GDPD4: variants seen among roughly 807,000 people sequenced by gnomAD.
GDPD4 encodes glycerophosphodiester phosphodiesterase domain containing 4.
A neutral mutation model predicts 67.8 loss-of-function variants in GDPD4; 60 were observed. The ratio of observed to expected loss-of-function variants is 0.88; its 90% CI spans 0.72 to 1.10. The LOEUF is 1.10. Among genes scored for constraint, GDPD4 ranks in the 50% least tolerant of loss-of-function variants. The pLI, the probability that GDPD4 is intolerant of heterozygous loss-of-function variation, is 0.00. For missense variants in GDPD4, 623 were observed against 613.9 expected (o/e 1.01, Z -0.16); for synonymous variants, 212 against 210.9 (o/e 1.00, Z -0.04).
At chr11:77,274,342 T>C (rs550075999) in intron 5 of GDPD4, among the ~76,000 whole-genome samples, 1 of 152,346 alleles carries the variant, frequency 6.6e-6, no homozygotes, top group East Asian at 1.9e-4. Flanking sequence ...TATGTTGAAA[T>C]GTGACCACCA....
chr11:77,255,436 C>A (rs570153244), intron 11 of GDPD4, among the ~76,000 whole-genome samples: 2 of 151,488 alleles, frequency 1.3e-5, no homozygotes, highest in African/African-American at 2.4e-5. Flanking sequence ...TGGTGGCGGG[C>A]GCCTGTAGTC....
chr11:77,251,342 G>A (rs963182814), intron 11 of GDPD4, among the ~76,000 whole-genome samples: 17 of 151,738 alleles, frequency 1.1e-4, no homozygotes, highest in Admixed American at 7.9e-4. Flanking sequence ...TTTCATAATG[G>A]TGATTATCAC....
chr11:77,282,354 A>G (rs75472884), intron 3 of GDPD4, among the ~76,000 whole-genome samples: 2,610 of 152,206 alleles, frequency 0.017, 81 homozygotes, highest in African/African-American at 0.059. Flanking sequence ...AGGCAAGAAA[A>G]GAGGAAAAAA....
intron 11 of GDPD4, among the ~76,000 whole-genome samples, chr11:77,252,061 T>TTG (rs1958912947): frequency 2.0e-5 from 2 of 100,150 alleles, no homozygotes; most frequent in African/African-American, 5.8e-5. Context: ...TTTGTTTTTT[T>TTG]TTTGTTTTTT....
At chr11:77,264,004 C>T (rs544780409) in intron 10 of GDPD4, among the ~76,000 whole-genome samples, 19 of 152,254 alleles carry the variant, frequency 1.2e-4, no homozygotes, top group Middle Eastern at 3.4e-3. Context: ...TTGGTCCACA[C>T]GAGGAGGTCA....
chr11:77,293,685 C>A (rs1390108428), intron 1 of GDPD4, among the ~76,000 whole-genome samples: 7 of 152,008 alleles, frequency 4.6e-5, no homozygotes, highest in African/African-American at 1.7e-4. Context: ...TGAGCAAATT[C>A]AAACTCCATT....
chr11:77,270,446 A>G (rs764646215), intron 7 of GDPD4, among the ~76,000 whole-genome samples: 1 of 152,236 alleles, frequency 6.6e-6, no homozygotes, highest in Non-Finnish European at 1.5e-5. Context: ...TGCCGGGCGC[A>G]GTGGCTCACG....
In GDPD4 at chr11:77,244,108, C is replaced by T. The variant is rs1355952287; in HGVS notation, c.1087-260G>A. 5.3e-5 allele frequency among the ~76,000 whole-genome samples: 8 copies of T among 152,310 alleles called. No individual in the cohort carries two copies. In the East Asian group the frequency reaches 1.4e-3, roughly 26 times the overall value. On this transcript the variant is annotated intron_variant, in intron 12 of 16. Coordinates refer to ENST00000315938, the MANE Select transcript of GDPD4 (RefSeq NM_182833.3). ...TTGGCTCACTGTAAGCTCCGCCACC[C>T]GGGTTCATACCATTCTCCTGCCTCA... is the stretch of plus-strand genomic sequence containing the variant.
At chr11:77,239,087 C>T (rs2135837982) in intron 13 of GDPD4, among the ~76,000 whole-genome samples, 1 of 152,248 alleles carries the variant, frequency 6.6e-6, no homozygotes, top group African/African-American at 2.4e-5. Context: ...GAATGAAACA[C>T]AAAAACCATA....
rs1938167805 is a variant in GDPD4, at chr11:77,301,677, T to C, written c.-326A>G. On this transcript the variant is annotated 5_prime_UTR_variant, in exon 1 of 17. Coordinates refer to ENST00000315938, the MANE Select transcript of GDPD4 (RefSeq NM_182833.3). Reference sequence around the variant, plus strand: ...ACCAGCGTCTCTTAAGATGGACGCCTGGCTGGAAGGGCAGCCCGAGGGAGG... The same window carrying C: ...ACCAGCGTCTCTTAAGATGGACGCCCGGCTGGAAGGGCAGCCCGAGGGAGG... 6.6e-6 allele frequency: 1 copy of C among 151,930 alleles called. No individual in the cohort carries two copies. Among genetic ancestry groups the C allele is most frequent in the South Asian group, 2.1e-4 (1 of 4,792 alleles). The allele number at this position is 151,930 out of a possible 1,614,324, so 9.4% of individuals were successfully genotyped here.
intron 14 of GDPD4, among the ~76,000 whole-genome samples, chr11:77,229,436 G>A (rs569390125): frequency 1.3e-5 from 2 of 152,266 alleles, no homozygotes; most frequent in African/African-American, 2.4e-5. Context: ...ACATGCAGGG[G>A]GCTCTAGAGG....
chr11:77,263,608 C>T (rs1328190993), intron 10 of GDPD4, among the ~76,000 whole-genome samples: 6 of 152,102 alleles, frequency 3.9e-5, no homozygotes, highest in Non-Finnish European at 8.8e-5. Context: ...AAGATAAATA[C>T]TATTTTAATA....
rs1461194671 is a variant in GDPD4, at chr11:77,229,149, C to T, written c.1472+1G>A. On this transcript the variant is annotated splice_donor_variant, in intron 15 of 16. Coordinates refer to ENST00000315938, the MANE Select transcript of GDPD4 (RefSeq NM_182833.3). LOFTEE classifies it high-confidence loss of function. ...TCATTTAAAATTATATATATACTTA[C>T]CAGTGAAAACAAAATATGGCAACAA... is the stretch of plus-strand genomic sequence containing the variant. 2.0e-6 allele frequency: 3 copies of T among 1,478,324 alleles called. No homozygotes were observed. The highest frequency in any genetic ancestry group is 2.4e-5 in the South Asian group (2 of 84,620). 91.6% of individuals were successfully genotyped at this position (1,478,324 alleles called of 1,614,324 possible). A position where few individuals can be genotyped will look rare whatever the true frequency, so the allele number is the denominator to read the frequency against.
Position 77,221,110 on chromosome 11 carries a change from A to AT in GDPD4, c.1526-3797dup, listed in dbSNP as rs57360844. On this transcript the variant is annotated intron_variant, in intron 16 of 16. Coordinates refer to ENST00000315938, the MANE Select transcript of GDPD4 (RefSeq NM_182833.3). ...GATCAGTGGTGATATCCCCTTTAGC[A>AT]TTTTTTTATTGCATCTAATTGATTC... 2.0e-4 allele frequency among the ~76,000 whole-genome samples: 30 copies of AT among 152,084 alleles called. 1 individual carries two copies. Among genetic ancestry groups the AT allele is most frequent in the Middle Eastern group, 6.8e-3 (2 of 294 alleles).
chr11:77,271,092 C>T (rs902826223), intron 7 of GDPD4, 38 bp downstream of exon 7: 2 of 1,415,746 alleles, frequency 1.4e-6, no homozygotes. Context: ...AAAGCCAGAG[C>T]TGAAGAAATA....
rs1400430713 is a variant in GDPD4, at chr11:77,243,755, C to G, written c.1180G>C (p.Ala394Pro). 1 of 1,611,736 alleles carries G rather than the reference C, an allele frequency of 6.2e-7. No individual in the cohort carries two copies. The highest frequency in any genetic ancestry group is 8.5e-7 in the Non-Finnish European group (1 of 1,177,868). The part of the protein sequence containing the change: ...VGRLVSIETL[A>P]KNNISIINVD... ...TTTATTATACTGATATTGTTTTTAG[C>G]AAGGGTTTCAATGGATACTAAACGG... The change falls in exon 13 of 17, where the codon GCT (alanine) becomes CCT (proline). Residue 394 changes from alanine to proline, a missense_variant. Coordinates refer to ENST00000315938, the MANE Select transcript of GDPD4 (RefSeq NM_182833.3).
intron 1 of GDPD4, among the ~76,000 whole-genome samples, chr11:77,295,296 T>C (rs1312535236): frequency 2.0e-5 from 3 of 151,156 alleles, no homozygotes; most frequent in Admixed American, 6.6e-5. Context: ...CCCACAACTT[T>C]GCATTCTTTG....
At chr11:77,272,790 ATTTTT>A (rs1241815253) in intron 5 of GDPD4, among the ~76,000 whole-genome samples, 4 of 150,612 alleles carry the variant, frequency 2.7e-5, no homozygotes, top group Non-Finnish European at 5.9e-5. Flanking sequence ...AAAAAAAAAA[ATTTTT>A]TTTTGAGTGA....
chr11:77,264,192 G>C (rs138311781), intron 10 of GDPD4, among the ~76,000 whole-genome samples: 1,951 of 152,244 alleles, frequency 0.013, 15 homozygotes, highest in Middle Eastern at 0.017. Context: ...CTTTCACTCA[G>C]ATGCAAATAA....
Sources: allele counts gnomAD v4.1 joint callset (sites outside exome capture counted in the v4.1 genomes callset), GRCh38; gene constraint gnomAD v4.1.1; transcripts MANE v1.5; gene names NCBI Gene and HGNC (gene_info 2026-07-23, HGNC 2026-07-21).